Variants in GLCCI1 observed in about 807,000 individuals in gnomAD.
The protein encoded by GLCCI1 is glucocorticoid induced 1, also known as glucocorticoid-induced transcript 1 protein.
GLCCI1 carries 24 observed loss-of-function variants against 52.2 expected under a neutral mutation model. The ratio of observed to expected loss-of-function variants is 0.46; its 90% CI spans 0.33 to 0.65. The LOEUF (loss-of-function observed/expected upper bound fraction) is 0.65, where lower values mean the gene tolerates loss of function less well. GLCCI1 is among the 30% of genes least tolerant of loss of function. The probability of loss-of-function intolerance (pLI) is 0.02; values close to 1 mark genes in which losing one functional copy is unlikely to be tolerated. For synonymous variants in GLCCI1, 310 were observed against 276.5 expected, an observed-to-expected ratio of 1.12 and a Z score of -1.20; for missense variants, 704 against 701.5, an observed-to-expected ratio of 1.00 and a Z score of -0.04.
chr7:7,984,381 A>G (rs1465249350), intron 1 of GLCCI1, among the ~76,000 whole-genome samples: 1 of 152,202 alleles, frequency 6.6e-6, no homozygotes, highest in Non-Finnish European at 1.5e-5. Context: ...TAGAGAAACT[A>G]AACCATCCAT....
rs545814882 is a variant in GLCCI1 at position 8,052,740 on chromosome 7, T to C, written c.697-2693T>C. ...CAGTGGTACCTGTGGATAAGAAGGA[T>C]GAACTGAGGACACCAGGTCTCTTGC... On this transcript the variant is annotated intron_variant, in intron 3 of 7. Transcript: ENST00000223145. 6.6e-5 allele frequency among the ~76,000 whole-genome samples: 10 copies of C among 152,320 alleles called. No individual in the cohort carries two copies. The South Asian group carries it at 1.2e-3, about 19-fold the overall frequency.
intron 3 of GLCCI1, among the ~76,000 whole-genome samples, chr7:8,044,771 C>G (rs1031596492): frequency 6.6e-6 from 1 of 152,166 alleles, no homozygotes; most frequent in African/African-American, 2.4e-5. Context: ...TATAATTTGC[C>G]TCTACTTTGC....
chr7:8,039,647 G>T (rs1010130527), intron 3 of GLCCI1, among the ~76,000 whole-genome samples: 1 of 152,134 alleles, frequency 6.6e-6, no homozygotes, highest in Non-Finnish European at 1.5e-5. Context: ...TTGGAGTGGG[G>T]TGAGGGATGA....
intron 2 of GLCCI1, among the ~76,000 whole-genome samples, chr7:8,008,021 A>C (rs1781191560): frequency 1.3e-5 from 2 of 152,194 alleles, no homozygotes; most frequent in African/African-American, 4.8e-5. Flanking sequence ...GTAGACACAC[A>C]CACATTTGAA....
At position 7,998,451 on chromosome 7, in the gene GLCCI1, G is replaced by A. The variant is rs184668776; in HGVS notation, c.458-5457G>A. On this transcript the variant is annotated intron_variant, in intron 1 of 7. Transcript: ENST00000223145. Reference sequence around the variant, plus strand: ...AGCTGGTCTCAATCTCCTGACCTCAGGTCATCCACCCACCTCGGCCTCCCA... The same window carrying A: ...AGCTGGTCTCAATCTCCTGACCTCAAGTCATCCACCCACCTCGGCCTCCCA... 4.7e-4 allele frequency among the ~76,000 whole-genome samples: 71 copies of A among 152,240 alleles called. 1 individual carries two copies. The highest frequency in any genetic ancestry group is 1.7e-3 in the African/African-American group (69 of 41,572).
chr7:8,041,035 G>A (rs755766918), intron 3 of GLCCI1, among the ~76,000 whole-genome samples: 1 of 152,180 alleles, frequency 6.6e-6, no homozygotes, highest in Non-Finnish European at 1.5e-5. Flanking sequence ...TAAAAAGCCA[G>A]TACAGACCAA....
At chr7:8,017,856 A>G (rs1781410144) in intron 2 of GLCCI1, among the ~76,000 whole-genome samples, 1 of 152,204 alleles carries the variant, frequency 6.6e-6, no homozygotes, top group African/African-American at 2.4e-5. Flanking sequence ...ATTACACTAG[A>G]ACCACAATCT....
In GLCCI1 at chr7:7,968,826, A is replaced by AGCGGCG. The variant is rs570249106; in HGVS notation, c.-509_-504dup. 720 of 160,246 alleles carry AGCGGCG rather than the reference A, an allele frequency of 4.5e-3. 32 individuals carry two copies. The highest frequency in any genetic ancestry group is 0.014 in the South Asian group (93 of 6,482). 9.9% of individuals were successfully genotyped at this position (160,246 alleles called of 1,614,324 possible). A position where few individuals can be genotyped will look rare whatever the true frequency, so the allele number is the denominator to read the frequency against. ...CCATTCGGAGTGAGGAGTGGGTAGA[A>AGCGGCG]GCGGCGGCGGCGGCGGCGGCGTTTG... On this transcript the variant is annotated 5_prime_UTR_variant, in exon 1 of 8. Coordinates refer to ENST00000223145, the MANE Select transcript of GLCCI1 (RefSeq NM_138426.4).
At chr7:8,034,822 C>T (rs549824694) in intron 3 of GLCCI1, among the ~76,000 whole-genome samples, 14 of 152,244 alleles carry the variant, frequency 9.2e-5, no homozygotes, top group Non-Finnish European at 1.8e-4. Context: ...GCTCCCCTTC[C>T]CCTCGCAGCA....
chr7:8,024,123 A>G (rs760535689), intron 3 of GLCCI1, among the ~76,000 whole-genome samples: 1 of 152,068 alleles, frequency 6.6e-6, no homozygotes, highest in Non-Finnish European at 1.5e-5. Context: ...ATTTCTCTCA[A>G]ATTTTTTTTC....
At chr7:8,036,029 A>C (rs964820357) in intron 3 of GLCCI1, among the ~76,000 whole-genome samples, 4 of 152,210 alleles carry the variant, frequency 2.6e-5, no homozygotes, top group African/African-American at 9.7e-5. Flanking sequence ...AGCAACAGAG[A>C]GATCCTTCCA....
At chr7:8,060,973 C>A (rs1228616252) in intron 5 of GLCCI1, among the ~76,000 whole-genome samples, 1 of 152,122 alleles carries the variant, frequency 6.6e-6, no homozygotes, top group South Asian at 2.1e-4. Context: ...TCCTCACCAA[C>A]ACTTGTAATT....
At chr7:8,017,801 A>G (rs923951478) in intron 2 of GLCCI1, among the ~76,000 whole-genome samples, 4 of 152,168 alleles carry the variant, frequency 2.6e-5, no homozygotes, top group African/African-American at 9.7e-5. Context: ...CAGAGCAGCT[A>G]TTTACTATAT....
At chr7:8,059,473 A>C (rs535063107) in intron 4 of GLCCI1, among the ~76,000 whole-genome samples, 4 of 152,172 alleles carry the variant, frequency 2.6e-5, no homozygotes, top group African/African-American at 9.7e-5. Context: ...TAAGTATCAA[A>C]AGGCTTGTCT....
chr7:8,066,457 C>G (rs1782633078), intron 5 of GLCCI1, among the ~76,000 whole-genome samples: 1 of 151,722 alleles, frequency 6.6e-6, no homozygotes, highest in African/African-American at 2.4e-5. Context: ...TCTTGTTTCT[C>G]TAGTCCCTCT....
chr7:8,057,306 C>T (rs548407485), intron 4 of GLCCI1, among the ~76,000 whole-genome samples: 1 of 152,012 alleles, frequency 6.6e-6, no homozygotes, highest in African/African-American at 2.4e-5. Context: ...AGACAAACAT[C>T]CGTCAAGTTG....
intron 3 of GLCCI1, among the ~76,000 whole-genome samples, chr7:8,028,023 A>C (rs1781659991): frequency 6.6e-6 from 1 of 152,232 alleles, no homozygotes; most frequent in South Asian, 2.1e-4. Context: ...GGAGACTTCA[A>C]CACCCTACTT....
chr7:8,068,214 G>C (rs1426385051), intron 5 of GLCCI1, among the ~76,000 whole-genome samples: 1 of 152,168 alleles, frequency 6.6e-6, no homozygotes. Context: ...GCCGGTCATC[G>C]TGGTGGGCAC....
chr7:8,036,106 C>G (rs563389808), intron 3 of GLCCI1, among the ~76,000 whole-genome samples: 1 of 152,196 alleles, frequency 6.6e-6, no homozygotes, highest in Non-Finnish European at 1.5e-5. Flanking sequence ...TAAGCACCAC[C>G]TATTGGTCTG....
Sources: allele counts gnomAD v4.1 joint callset (sites outside exome capture counted in the v4.1 genomes callset), GRCh38; gene constraint gnomAD v4.1.1; transcripts MANE v1.5; gene names NCBI Gene and HGNC (gene_info 2026-07-23, HGNC 2026-07-21).